Variants in C9orf72 observed in about 807,000 individuals in gnomAD.
C9orf72 encodes guanine nucleotide exchange factor C9orf72.
C9orf72 carries 44 observed loss-of-function variants against 51.6 expected under a neutral mutation model. The observed-to-expected ratio is 0.85, with a 90% CI of 0.67 to 1.10. The LOEUF (loss-of-function observed/expected upper bound fraction) is 1.10, where lower values mean the gene tolerates loss of function less well. C9orf72 is among the 50% of genes least tolerant of loss of function. C9orf72 has a pLI of 0.00. For synonymous variants in C9orf72, 213 were observed against 194.2 expected, an observed-to-expected ratio of 1.10 and a Z score of -0.81; for missense variants, 607 against 570.6, an observed-to-expected ratio of 1.06 and a Z score of -0.65.
In C9orf72 at chr9:27,550,658, G is replaced by A; in HGVS notation, c.1141C>T (p.Leu381=). The change falls in exon 9 of 11, where the codon CTG becomes TTG. Residue 381 remains leucine, a synonymous_variant. Coordinates refer to ENST00000380003, the MANE Select transcript of C9orf72 (RefSeq NM_018325.5). Reference sequence around the variant, plus strand: ...TCAAGTTCAACATTTACCTGATCCAGGAAGGCTTTCACTAGAGTGTCTCTG... The same window carrying A: ...TCAAGTTCAACATTTACCTGATCCAAGAAGGCTTTCACTAGAGTGTCTCTG... ...LHRDTLVKAF[L]DQVFQLKPGL... is the part of the protein sequence containing the mutation. 2 of 1,581,502 alleles carry A rather than the reference G, an allele frequency of 1.3e-6. No homozygotes were observed. The highest frequency in any genetic ancestry group is 2.3e-5 in the East Asian group (1 of 43,942).
rs2131545062 is a variant in C9orf72 at position 27,566,668 on chromosome 9, A to G, written c.444+9T>C. On this transcript the variant is annotated intron_variant, in intron 2 of 10. Transcript: ENST00000380003. ...GTTAACATGATTAATAAGCTGAAAA[A>G]TCACTTACCTTATGCATCCATATTC... 1.3e-6 allele frequency: 2 copies of G among 1,561,670 alleles called. No homozygotes were observed. The highest frequency in any genetic ancestry group is 2.3e-5 in the South Asian group (2 of 85,224).
In C9orf72 at chr9:27,570,791, C is replaced by T. The variant is rs368530485; in HGVS notation, c.-45+2640G>A. Among the ~76,000 whole-genome samples the T allele has an allele frequency of 9.9e-4, 150 of 152,062 alleles. No homozygotes were observed. The South Asian group carries it at 0.017, about 17-fold the overall frequency. The stretch of plus-strand genomic sequence containing the variant: ...CTGAGGCAGGAGAATCTCTTGAACC[C>T]GGAGGTGGCAGAGGTTGCAATGAGC... On this transcript the variant is annotated intron_variant, in intron 1 of 10. Coordinates refer to ENST00000380003, the MANE Select transcript of C9orf72 (RefSeq NM_018325.5).
intron 7 of C9orf72, 140 bp from the exon 8 acceptor site, chr9:27,556,936 A>G: frequency 3.2e-6 from 2 of 628,664 alleles, no homozygotes; most frequent in Non-Finnish European, 5.6e-6. Context: ...GAGTGTGTGC[A>G]AAGTTTTAGT....
At chr9:27,559,916 T>C (rs1431218612) in intron 6 of C9orf72, 1 of 162,410 alleles carries the variant, frequency 6.2e-6, no homozygotes, top group Non-Finnish European at 1.3e-5. Flanking sequence ...ATCTTCAGAT[T>C]TGTTAAAGAT....
Position 27,561,661 on chromosome 9 carries a change from C to G in C9orf72, c.601-12G>C. On this transcript the variant is annotated splice_polypyrimidine_tract_variant and intron_variant, in intron 4 of 10. Transcript: ENST00000380003. ...ACTGTATCAGCTATCTAAAATGCAT[C>G]AAAAAATAAAAAAATTAGTCTGGCT... is the stretch of plus-strand genomic sequence containing the variant. 6.5e-7 allele frequency: 1 copy of G among 1,533,116 alleles called. No individual in the cohort carries two copies. The highest frequency in any genetic ancestry group is 8.9e-7 in the Non-Finnish European group (1 of 1,118,654). The allele number at this position is 1,533,116 out of a possible 1,614,324, so 95.0% of individuals were successfully genotyped here. A position where few individuals can be genotyped will look rare whatever the true frequency, so the allele number is the denominator to read the frequency against.
At chr9:27,558,166 A>C (rs1364177378) in intron 7 of C9orf72, among the ~76,000 whole-genome samples, 2 of 151,252 alleles carry the variant, frequency 1.3e-5, no homozygotes, top group Non-Finnish European at 3.0e-5. Flanking sequence ...ATAAAATTCA[A>C]ATCTATTTAG....
rs780142238 is a variant in C9orf72 at position 27,567,151 on chromosome 9, T to C, written c.-31A>G. The C allele has an allele frequency of 2.6e-6, 4 of 1,566,870 alleles. No homozygotes were observed. In the South Asian group the frequency reaches 4.5e-5, roughly 17 times the overall value. ...CATTCCAACTGTCACATTATCCAAA[T>C]GCTCCGGAGATATCTAAACAATGAC... On this transcript the variant is annotated 5_prime_UTR_variant, in exon 2 of 11. Coordinates refer to ENST00000380003, the MANE Select transcript of C9orf72 (RefSeq NM_018325.5).
At chr9:27,560,653 GCTGA>G in intron 5 of C9orf72, 1 of 1,012,844 alleles carries the variant, frequency 9.9e-7, no homozygotes, top group Non-Finnish European at 1.2e-6. Flanking sequence ...TGTATGAAAG[GCTGA>G]CACTGAACAG....
chr9:27,547,611 G>C lies in C9orf72; in HGVS notation c.*625C>G, dbSNP rs904848563. ...AAAACACCCTAACTGTGGTTCACCA[G>C]GAACAAGGACTATAGAGAACTATTA... On this transcript the variant is annotated 3_prime_UTR_variant, in exon 11 of 11. Transcript: ENST00000380003. 1 of 152,562 alleles carries C rather than the reference G, an allele frequency of 6.6e-6. No homozygotes were observed. Among genetic ancestry groups the C allele is most frequent in the Non-Finnish European group, 1.5e-5 (1 of 68,032 alleles). 9.5% of individuals were successfully genotyped at this position (152,562 alleles called of 1,614,324 possible). A position where few individuals can be genotyped will look rare whatever the true frequency, so the allele number is the denominator to read the frequency against.
intron 8 of C9orf72, among the ~76,000 whole-genome samples, chr9:27,551,297 T>C (rs78922993): frequency 2.0e-5 from 3 of 152,178 alleles, no homozygotes; most frequent in Non-Finnish European, 2.9e-5. Flanking sequence ...CCAGAGTGAG[T>C]AGTAGTAATA....
chr9:27,552,061 A>T (rs1820919477), intron 8 of C9orf72, among the ~76,000 whole-genome samples: 1 of 152,070 alleles, frequency 6.6e-6, no homozygotes, highest in South Asian at 2.1e-4. Flanking sequence ...AGACTATGAG[A>T]TTTTCTAGGT....
chr9:27,559,749 G>C (rs543088873), intron 6 of C9orf72: 4 of 152,090 alleles, frequency 2.6e-5, no homozygotes, highest in Admixed American at 2.6e-4. Context: ...TGAAGGAAAG[G>C]GTCAGAAACA....
rs565158227 is a variant in C9orf72, at chr9:27,554,477, G to A, written c.1091+2084C>T. 17 of 397,064 alleles carry A rather than the reference G, an allele frequency of 4.3e-5. No homozygotes were observed. In the East Asian group the frequency reaches 4.6e-4, roughly 11 times the overall value. The allele number at this position is 397,064 out of a possible 1,614,324, so 24.6% of individuals were successfully genotyped here. On this transcript the variant is annotated intron_variant, in intron 8 of 10. Transcript: ENST00000380003. ...ACAAAGAAGGAAACAGCAACACCAG[G>A]GCCTACTTGAGGGTGGGAGAAGGGT...
At chr9:27,565,389 T>C (rs375070108) in intron 3 of C9orf72, 142 bp downstream of exon 3, 25 of 421,670 alleles carry the variant, frequency 5.9e-5, no homozygotes, top group African/African-American at 4.9e-4. Context: ...GAAATCTTCC[T>C]CCAGTTTATT....
chr9:27,566,563 C>T (rs1199059109), intron 2 of C9orf72, 114 bp downstream of exon 2: 1 of 704,178 alleles, frequency 1.4e-6, no homozygotes, highest in Non-Finnish European at 2.3e-6. Context: ...AAATAAATAA[C>T]ATTTATTGTT....
At chr9:27,565,240 T>A (rs961786734) in intron 3 of C9orf72, among the ~76,000 whole-genome samples, 1 of 152,056 alleles carries the variant, frequency 6.6e-6, no homozygotes, top group African/African-American at 2.4e-5. Context: ...CAGAGACAAT[T>A]TTTTTTATTT....
intron 8 of C9orf72, among the ~76,000 whole-genome samples, chr9:27,553,939 A>C (rs1820958514): frequency 6.6e-6 from 1 of 152,226 alleles, no homozygotes; most frequent in African/African-American, 2.4e-5. Flanking sequence ...AGCATATGAA[A>C]AAATGCTTAA....
At chr9:27,573,718 C>T (rs1325552176), upstream of C9orf72, 1 of 152,328 alleles carries the variant, frequency 6.6e-6, no homozygotes, top group Non-Finnish European at 1.5e-5. Flanking sequence ...CCTCCTAAAC[C>T]CACACCTGCT....
At chr9:27,550,075 A>G (rs2120720) in intron 9 of C9orf72, among the ~76,000 whole-genome samples, 8,711 of 150,454 alleles carry the variant, frequency 0.058, 815 homozygotes, top group African/African-American at 0.2. Context: ...CATATATAAC[A>G]TATACTCTAC....
Sources: gnomAD v4.1 joint callset for allele counts (sites outside exome capture counted in the v4.1 genomes callset) on GRCh38, gnomAD v4.1.1 for gene constraint, MANE v1.5 for transcripts, NCBI Gene and HGNC (gene_info 2026-07-23, HGNC 2026-07-21) for gene names.